The following RYR3 variants were observed in gnomAD, a reference collection of about 807,000 sequenced individuals.
The protein encoded by RYR3 is ryanodine receptor 3.
RYR3 carries 207 observed loss-of-function variants against 584.3 expected under a neutral mutation model. The ratio of observed to expected loss-of-function variants is 0.35; its 90% CI spans 0.32 to 0.40. RYR3 has a LOEUF of 0.40. Ranked by LOEUF, RYR3 falls within the 10% of genes least tolerant of loss-of-function variation. The pLI is 1.00. For synonymous variants in RYR3, 2,416 were observed against 2,248.5 expected, an observed-to-expected ratio of 1.07 and a Z score of -2.11; for missense variants, 5,616 against 6,089.2, an observed-to-expected ratio of 0.92 and a Z score of 2.59.
chr15:33,369,418 A>C (rs899092767), intron 1 of RYR3, among the ~76,000 whole-genome samples: 1 of 151,950 alleles, frequency 6.6e-6, no homozygotes, highest in African/African-American at 2.4e-5. Flanking sequence ...TTAAAAGCCT[A>C]CTCATCATCT....
At chr15:33,743,682 C>T (rs72715110) in intron 52 of RYR3, among the ~76,000 whole-genome samples, 20,663 of 152,140 alleles carry the variant, frequency 0.14, 1,525 homozygotes, top group South Asian at 0.25. Context: ...TTTGAACTCC[C>T]GAGTCTCTCT....
chr15:33,645,703 T>G (rs1595953652), intron 28 of RYR3, among the ~76,000 whole-genome samples: 1 of 152,226 alleles, frequency 6.6e-6, no homozygotes, highest in African/African-American at 2.4e-5. Context: ...TTCACTTCCC[T>G]TGTATCCCCC....
chr15:33,312,838 T>G (rs1967540355), intron 1 of RYR3, among the ~76,000 whole-genome samples: 1 of 152,252 alleles, frequency 6.6e-6, no homozygotes, highest in Non-Finnish European at 1.5e-5. Context: ...TGACTTTTCC[T>G]CTCCATCTGG....
chr15:33,369,402 C>T (rs1181600412), intron 1 of RYR3, among the ~76,000 whole-genome samples: 4 of 152,194 alleles, frequency 2.6e-5, no homozygotes, highest in African/African-American at 9.6e-5. Context: ...GGTCCTCTCC[C>T]TTTTGTTAAA....
chr15:33,675,647 C>T (rs1002655978), intron 38 of RYR3, among the ~76,000 whole-genome samples: 1 of 152,156 alleles, frequency 6.6e-6, no homozygotes, highest in African/African-American at 2.4e-5. Flanking sequence ...ATGGACATGG[C>T]ATATACATAC....
chr15:33,814,361 A>G (rs1237396535), intron 74 of RYR3, among the ~76,000 whole-genome samples: 1 of 152,238 alleles, frequency 6.6e-6, no homozygotes, highest in African/African-American at 2.4e-5. Context: ...TCACTGACTT[A>G]TCAAATCAGT....
intron 6 of RYR3, among the ~76,000 whole-genome samples, chr15:33,539,935 C>T (rs116063585): frequency 1.2e-3 from 184 of 152,100 alleles, no homozygotes; most frequent in African/African-American, 4.2e-3. Context: ...GTTGATCTTG[C>T]TGTCTCAGGG....
In RYR3 at chr15:33,623,846, G is replaced by A. The variant is rs1339865198; in HGVS notation, c.2397G>A (p.Lys799=). ...TGGGTGGACGTCATGGAGAGTTTAA[G>A]TTCCTGCCTCCCTCTGGCTATGCCC... ...FLMGGRHGEF[K]FLPPSGYAPC... is the part of the protein sequence containing the mutation. Residue 799 remains lysine, a synonymous_variant, in exon 20 of 104, where the codon AAG becomes AAA. Coordinates refer to ENST00000634891, the MANE Select transcript of RYR3 (RefSeq NM_001036.6). 4 of 1,613,842 alleles carry A rather than the reference G, an allele frequency of 2.5e-6. No homozygotes were observed. In the East Asian group the frequency reaches 8.9e-5, roughly 36 times the overall value.
chr15:33,324,599 C>T (rs1042055253), intron 1 of RYR3, among the ~76,000 whole-genome samples: 15 of 152,178 alleles, frequency 9.9e-5, no homozygotes, highest in Non-Finnish European at 2.1e-4. Context: ...TGTCTCTCTC[C>T]TACTTTGCAA....
At chr15:33,681,555 A>G (rs946234608) in intron 38 of RYR3, among the ~76,000 whole-genome samples, 1 of 152,236 alleles carries the variant, frequency 6.6e-6, no homozygotes, top group African/African-American at 2.4e-5. Context: ...TGGGAGAAAT[A>G]AAGTAGAGGT....
At chr15:33,364,365 T>C (rs1407175013) in intron 1 of RYR3, among the ~76,000 whole-genome samples, 1 of 152,242 alleles carries the variant, frequency 6.6e-6, no homozygotes, top group African/African-American at 2.4e-5. Context: ...CTATAGTTAC[T>C]TTAAAATAAG....
intron 2 of RYR3, among the ~76,000 whole-genome samples, chr15:33,481,987 G>T (rs2050013316): frequency 6.6e-6 from 1 of 151,722 alleles, no homozygotes; most frequent in Non-Finnish European, 1.5e-5. Flanking sequence ...GAAATAAAAG[G>T]GAAGAAGAAC....
intron 1 of RYR3, among the ~76,000 whole-genome samples, chr15:33,402,934 C>T (rs1011952690): frequency 1.6e-4 from 25 of 152,218 alleles, no homozygotes; most frequent in African/African-American, 6.0e-4. Flanking sequence ...TGTGGATGGG[C>T]AGTGCCTGCC....
intron 16 of RYR3, among the ~76,000 whole-genome samples, chr15:33,595,051 A>T (rs2059303440): frequency 6.6e-6 from 1 of 152,140 alleles, no homozygotes; most frequent in African/African-American, 2.4e-5. Context: ...ACTTTAGGGA[A>T]CCTAATGTCT....
chr15:33,812,761 G>A (rs549441866), intron 72 of RYR3, 102 bp from the exon 73 acceptor site: 6 of 1,080,950 alleles, frequency 5.6e-6, no homozygotes, highest in East Asian at 2.4e-5. Context: ...GATAATAGAA[G>A]GAGAGTCTTG....
rs911795017 is a variant in RYR3 at position 33,858,009 on chromosome 15, T to G, written c.14142+95T>G. ...AAGAAGGGCTGTGTGGGGGTGCTCT[T>G]GAGAACTGTAGAGTTAGTTACAGAG... is the stretch of plus-strand genomic sequence containing the variant. On this transcript the variant is annotated intron_variant, in intron 99 of 103. Coordinates refer to ENST00000634891, the MANE Select transcript of RYR3 (RefSeq NM_001036.6). The G allele has an allele frequency of 1.4e-5, 21 of 1,508,688 alleles. No individual in the cohort carries two copies. The Middle Eastern group carries it at 6.6e-4, about 47-fold the overall frequency. The allele number at this position is 1,508,688 out of a possible 1,614,324, so 93.5% of individuals were successfully genotyped here.
At chr15:33,503,293 C>T (rs1321357353) in intron 2 of RYR3, among the ~76,000 whole-genome samples, 1 of 152,190 alleles carries the variant, frequency 6.6e-6, no homozygotes, top group Admixed American at 6.5e-5. Flanking sequence ...GGCTTTCTTT[C>T]TCTGGTCTCA....
At chr15:33,811,553 A>ATGTT (rs57062262) in intron 72 of RYR3, among the ~76,000 whole-genome samples, 28,928 of 150,240 alleles carry the variant, frequency 0.19, 2,931 homozygotes, top group Non-Finnish European at 0.22. Context: ...CCCTTAATGT[A>ATGTT]TGTTTGTTTG....
chr15:33,322,068 TTATAGAG>T (rs1249639855), intron 1 of RYR3, among the ~76,000 whole-genome samples: 2 of 152,156 alleles, frequency 1.3e-5, no homozygotes, highest in African/African-American at 2.4e-5. Flanking sequence ...AAAGTACACT[TTATAGAG>T]TATAAAATGC....
Sources: gnomAD v4.1 joint callset for allele counts (sites outside exome capture counted in the v4.1 genomes callset) on GRCh38, gnomAD v4.1.1 for gene constraint, MANE v1.5 for transcripts, NCBI Gene and HGNC (gene_info 2026-07-23, HGNC 2026-07-21) for gene names.